The following SEMA5A variants were observed in gnomAD, a reference collection of about 807,000 sequenced individuals.
SEMA5A encodes the protein semaphorin-5A.
Under a neutral mutation model 135.5 loss-of-function variants are expected in SEMA5A, and 55 were observed. The observed-to-expected ratio is 0.41, with a 90% CI of 0.33 to 0.51. The LOEUF (loss-of-function observed/expected upper bound fraction) is 0.51, where lower values mean the gene tolerates loss of function less well. Among genes scored for constraint, SEMA5A ranks in the 20% least tolerant of loss-of-function variants. The probability of loss-of-function intolerance (pLI) is 0.37; values close to 1 mark genes in which losing one functional copy is unlikely to be tolerated. For synonymous variants in SEMA5A, 580 were observed against 546.5 expected (o/e 1.06, Z -0.85); for missense variants, 1,290 against 1,419.9 (o/e 0.91, Z 1.47).
intron 12 of SEMA5A, among the ~76,000 whole-genome samples, chr5:9,139,372 C>T (rs1194884877): frequency 2.0e-5 from 3 of 152,216 alleles, no homozygotes; most frequent in Non-Finnish European, 4.4e-5. Flanking sequence ...AGTGCCTCTG[C>T]TGCCTCACCC....
chr5:9,468,135 A>G (rs975342931), intron 1 of SEMA5A, among the ~76,000 whole-genome samples: 2 of 152,208 alleles, frequency 1.3e-5, no homozygotes, highest in African/African-American at 4.8e-5. Context: ...GCTGCCACAA[A>G]AACGGCAGGG....
intron 4 of SEMA5A, among the ~76,000 whole-genome samples, chr5:9,324,512 C>G (rs1359802774): frequency 2.0e-5 from 3 of 152,170 alleles, no homozygotes; most frequent in Non-Finnish European, 4.4e-5. Context: ...GCCCCACATA[C>G]AACTCCAAAT....
intron 2 of SEMA5A, among the ~76,000 whole-genome samples, chr5:9,426,993 A>G (rs1757684061): frequency 6.6e-6 from 1 of 152,204 alleles, no homozygotes; most frequent in Admixed American, 6.5e-5. Context: ...AATATAGTCC[A>G]GTACATAAAA....
chr5:9,273,260 G>T (rs760012099), intron 5 of SEMA5A, among the ~76,000 whole-genome samples: 4 of 152,006 alleles, frequency 2.6e-5, no homozygotes, highest in Non-Finnish European at 5.9e-5. Context: ...TCAACTCAAT[G>T]AAATAAAGGT....
At chr5:9,126,577 A>C (rs1350947476) in intron 13 of SEMA5A, among the ~76,000 whole-genome samples, 1 of 151,302 alleles carries the variant, frequency 6.6e-6, no homozygotes, top group Non-Finnish European at 1.5e-5. Flanking sequence ...AAAGAGCTGA[A>C]TTATTACAGG....
At chr5:9,496,131 G>A (rs1338180750) in intron 1 of SEMA5A, among the ~76,000 whole-genome samples, 1 of 152,078 alleles carries the variant, frequency 6.6e-6, no homozygotes, top group Non-Finnish European at 1.5e-5. Context: ...TGTAACCTCT[G>A]CCTCCTGGGT....
chr5:9,164,639 T>C (rs1371765197), intron 11 of SEMA5A, among the ~76,000 whole-genome samples: 1 of 152,160 alleles, frequency 6.6e-6, no homozygotes, highest in Non-Finnish European at 1.5e-5. Context: ...TTAATGCATT[T>C]TGATCAACAA....
chr5:9,493,297 CTA>C (rs1187898571), intron 1 of SEMA5A, among the ~76,000 whole-genome samples: 2 of 138,812 alleles, frequency 1.4e-5, no homozygotes, highest in African/African-American at 5.2e-5. Flanking sequence ...ATCTATCTAT[CTA>C]TATATATAAA....
chr5:9,118,628 C>T (rs569557870), intron 15 of SEMA5A, among the ~76,000 whole-genome samples: 2 of 152,116 alleles, frequency 1.3e-5, no homozygotes, highest in Non-Finnish European at 2.9e-5. Flanking sequence ...CTTCTTAGGT[C>T]CTCCTTGGAA....
intron 8 of SEMA5A, among the ~76,000 whole-genome samples, chr5:9,205,948 AAGAC>A (rs1377687886): frequency 6.6e-6 from 1 of 152,226 alleles, no homozygotes; most frequent in Admixed American, 6.5e-5. Flanking sequence ...GAATAATTGT[AAGAC>A]AGACAGTCAA....
intron 15 of SEMA5A, among the ~76,000 whole-genome samples, chr5:9,112,324 G>T (rs1218282847): frequency 2.0e-5 from 3 of 152,038 alleles, no homozygotes; most frequent in African/African-American, 7.2e-5. Context: ...ATGCAATAAA[G>T]TGTTCTTTCT....
chr5:9,206,519 A>G (rs1746025403), intron 8 of SEMA5A, among the ~76,000 whole-genome samples: 1 of 152,126 alleles, frequency 6.6e-6, no homozygotes, highest in African/African-American at 2.4e-5. Context: ...GAGAATCCAA[A>G]AGAAGCCTCC....
chr5:9,119,219 G>A, intron 14 of SEMA5A, 78 bp from the exon 15 acceptor site: 2 of 1,538,398 alleles, frequency 1.3e-6, no homozygotes, highest in Non-Finnish European at 1.8e-6. Flanking sequence ...ACGGCCAAAT[G>A]CCTGTGTTCC....
chr5:9,430,537 T>C (rs1757820695), intron 2 of SEMA5A, among the ~76,000 whole-genome samples: 1 of 152,084 alleles, frequency 6.6e-6, no homozygotes, highest in East Asian at 1.9e-4. Context: ...GAGATGACCA[T>C]TTGAGGCTAA....
rs1745024816 is a variant in SEMA5A, at chr5:9,190,254, C to T, written c.1273+13G>A. On this transcript the variant is annotated intron_variant, in intron 11 of 22. Transcript: ENST00000382496. ...ATGGTAGAAAACCCCTCAGAGGGGG[C>T]CAGAGCTCCTACCTGTGGCCAAATA... 1 of 1,613,318 alleles carries T rather than the reference C, an allele frequency of 6.2e-7. No individual in the cohort carries two copies. The highest frequency in any genetic ancestry group is 8.5e-7 in the Non-Finnish European group (1 of 1,179,512).
chr5:9,105,614 C>A (rs879669632), intron 16 of SEMA5A, among the ~76,000 whole-genome samples: 5 of 152,082 alleles, frequency 3.3e-5, no homozygotes, highest in Admixed American at 1.3e-4. Context: ...AAACGTGAGA[C>A]CTGCCAGACC....
intron 1 of SEMA5A, among the ~76,000 whole-genome samples, chr5:9,440,027 C>T (rs1758176897): frequency 6.6e-6 from 1 of 152,274 alleles, no homozygotes; most frequent in Non-Finnish European, 1.5e-5. Flanking sequence ...CATGTTGGGA[C>T]TTTCTGCTCC....
chr5:9,270,271 C>T lies in SEMA5A; in HGVS notation c.271-32381G>A, dbSNP rs193015876. Among the ~76,000 whole-genome samples, 28 of 152,126 alleles carry T rather than the reference C, an allele frequency of 1.8e-4. 1 individual carries two copies. The East Asian group carries it at 3.5e-3, about 19-fold the overall frequency. Reference sequence around the variant, plus strand: ...GAAGAAGACTCTTGGAAGATCACACCTTGTTTTCTTCATGATCTATCCATG... The same window carrying T: ...GAAGAAGACTCTTGGAAGATCACACTTTGTTTTCTTCATGATCTATCCATG... On this transcript the variant is annotated intron_variant, in intron 5 of 22. Transcript: ENST00000382496.
chr5:9,424,084 C>A (rs1305069079), intron 2 of SEMA5A, among the ~76,000 whole-genome samples: 2 of 152,116 alleles, frequency 1.3e-5, no homozygotes, highest in Admixed American at 6.5e-5. Flanking sequence ...ATCATTATAA[C>A]CTATGCCTTA....
Sources: gnomAD v4.1 joint callset for allele counts (sites outside exome capture counted in the v4.1 genomes callset) on GRCh38, gnomAD v4.1.1 for gene constraint, MANE v1.5 for transcripts, NCBI Gene and HGNC (gene_info 2026-07-23, HGNC 2026-07-21) for gene names.